NCK2: variants seen among roughly 807,000 people sequenced by gnomAD.
NCK2 encodes the protein cytoplasmic protein NCK2.
In NCK2, 16 loss-of-function variants were observed where a neutral mutation model predicts 33.9. The ratio of observed to expected loss-of-function variants is 0.47; its 90% CI spans 0.32 to 0.72. NCK2 has a LOEUF of 0.72. NCK2 is among the 30% of genes least tolerant of loss of function. The pLI is 0.03. For missense variants in NCK2, 418 were observed against 537.3 expected (o/e 0.78, Z 2.19); for synonymous variants, 273 against 239.9 (o/e 1.14, Z -1.27).
intron 2 of NCK2, among the ~76,000 whole-genome samples, chr2:105,818,298 G>GGGGGGAT (rs1249244123): frequency 9.6e-6 from 1 of 104,086 alleles, no homozygotes; most frequent in Non-Finnish European, 2.0e-5. Flanking sequence ...GGAGGGGGGA[G>GGGGGGAT]GGATAGCATT....
At chr2:105,850,381 GAA>G (rs983449647) in intron 2 of NCK2, among the ~76,000 whole-genome samples, 16 of 152,294 alleles carry the variant, frequency 1.1e-4, no homozygotes, top group African/African-American at 3.9e-4. Context: ...GTTGAGCTGA[GAA>G]AGTTTTTATA....
At chr2:105,877,479 A>G (rs923797955) in intron 3 of NCK2, among the ~76,000 whole-genome samples, 1 of 152,054 alleles carries the variant, frequency 6.6e-6, no homozygotes, top group African/African-American at 2.4e-5. Context: ...GAGACCTATT[A>G]ACTGCTGTTC....
rs1678600676 is a variant in NCK2 at position 105,883,657 on chromosome 2, G to C, written c.948+1608G>C. On this transcript the variant is annotated intron_variant, in intron 4 of 4. Transcript: ENST00000233154. Reference sequence around the variant, plus strand: ...AGGTGGTCATTGCTGTCTGAATTCAGGGACCAAGTCCCTTTGGATAAGGAG... The same window carrying C: ...AGGTGGTCATTGCTGTCTGAATTCACGGACCAAGTCCCTTTGGATAAGGAG... Among the ~76,000 whole-genome samples the C allele has an allele frequency of 2.0e-5, 3 of 152,154 alleles. No individual in the cohort carries two copies. The East Asian group carries it at 5.8e-4, about 29-fold the overall frequency.
intron 1 of NCK2, among the ~76,000 whole-genome samples, chr2:105,795,964 T>G (rs1691070175): frequency 6.6e-6 from 1 of 152,226 alleles, no homozygotes; most frequent in Admixed American, 6.5e-5. Flanking sequence ...GATATATTCT[T>G]TATTACCAGT....
intron 1 of NCK2, among the ~76,000 whole-genome samples, chr2:105,758,557 G>A (rs898066896): frequency 6.6e-6 from 1 of 151,624 alleles, no homozygotes; most frequent in African/African-American, 2.4e-5. Flanking sequence ...CTACAGGTGC[G>A]TACCACCATG....
chr2:105,839,260 C>T (rs947392482), intron 2 of NCK2, among the ~76,000 whole-genome samples: 1 of 152,168 alleles, frequency 6.6e-6, no homozygotes, highest in Non-Finnish European at 1.5e-5. Flanking sequence ...GGGTGGGAAG[C>T]TGCACTGGGG....
At chr2:105,872,213 C>T (rs1678043883) in intron 3 of NCK2, among the ~76,000 whole-genome samples, 1 of 152,230 alleles carries the variant, frequency 6.6e-6, no homozygotes, top group African/African-American at 2.4e-5. Flanking sequence ...GCCCAGATCC[C>T]TCTCTGCAGC....
chr2:105,807,746 CTTCCCTCCCTCCCTCCCTTCT>C (rs1675111727), intron 1 of NCK2, among the ~76,000 whole-genome samples: 1 of 86,882 alleles, frequency 1.2e-5, no homozygotes, highest in Non-Finnish European at 2.4e-5. Context: ...TCCTTCCTTC[CTTCCCTCCCTCCCTCCCTTCT>C]CTCCCTCCCT....
intron 1 of NCK2, among the ~76,000 whole-genome samples, chr2:105,753,945 A>G (rs186728517): frequency 2.0e-5 from 3 of 152,200 alleles, no homozygotes; most frequent in Admixed American, 2.0e-4. Flanking sequence ...CCTGATGGGA[A>G]CTCTGACACT....
At chr2:105,750,402 G>A (rs993293801) in intron 1 of NCK2, among the ~76,000 whole-genome samples, 1 of 152,142 alleles carries the variant, frequency 6.6e-6, no homozygotes, top group Non-Finnish European at 1.5e-5. Context: ...TAGGGGTTAG[G>A]GCTTTACCAT....
intron 4 of NCK2, 80 bp from the exon 5 acceptor site, chr2:105,892,902 G>A (rs1250325123): frequency 8.6e-7 from 1 of 1,163,426 alleles, no homozygotes; most frequent in Non-Finnish European, 1.2e-6. Flanking sequence ...TTTGGATTTA[G>A]ACGCACAAGA....
intron 1 of NCK2, among the ~76,000 whole-genome samples, chr2:105,762,192 A>C (rs1689786124): frequency 6.6e-6 from 1 of 152,188 alleles, no homozygotes; most frequent in Non-Finnish European, 1.5e-5. Flanking sequence ...TCTGTGCGTA[A>C]GAGTGGGCTT....
chr2:105,750,178 T>G (rs986776323), intron 1 of NCK2, among the ~76,000 whole-genome samples: 5 of 152,072 alleles, frequency 3.3e-5, no homozygotes. Flanking sequence ...TTCTGGTGAG[T>G]GTCTCTTCCT....
chr2:105,858,990 T>G (rs573712133), intron 3 of NCK2, among the ~76,000 whole-genome samples: 1 of 152,142 alleles, frequency 6.6e-6, no homozygotes, highest in African/African-American at 2.4e-5. Context: ...CAGAATCCAG[T>G]TGATGTTTTT....
Position 105,869,115 on chromosome 2 carries a change from C to G in NCK2, c.227-12213C>G, listed in dbSNP as rs376324909. Among the ~76,000 whole-genome samples the G allele has an allele frequency of 8.1e-4, 124 of 152,286 alleles. 1 individual carries two copies. The East Asian group carries it at 0.022, about 27-fold the overall frequency. On this transcript the variant is annotated intron_variant, in intron 3 of 4. Coordinates refer to ENST00000233154, the MANE Select transcript of NCK2 (RefSeq NM_003581.5). ...GCTCCTCTCATAGACCCACAGTGCT[C>G]CCCCTAGCCTGTTCATACGTGCCCT...
chr2:105,875,060 C>A (rs1678178304), intron 3 of NCK2, among the ~76,000 whole-genome samples: 1 of 152,154 alleles, frequency 6.6e-6, no homozygotes. Flanking sequence ...TTATGAAATG[C>A]AGATAAAGTC....
chr2:105,883,903 G>A (rs545831502), intron 4 of NCK2, among the ~76,000 whole-genome samples: 2 of 152,174 alleles, frequency 1.3e-5, no homozygotes, highest in Non-Finnish European at 2.9e-5. Context: ...GGAATATAGG[G>A]CGGAAAGAGC....
chr2:105,869,922 T>C (rs1677929261), intron 3 of NCK2, among the ~76,000 whole-genome samples: 1 of 152,238 alleles, frequency 6.6e-6, no homozygotes, highest in African/African-American at 2.4e-5. Flanking sequence ...CATTTTTTTT[T>C]CAGGTTTAAA....
chr2:105,784,235 C>T (rs1363687536), intron 1 of NCK2, among the ~76,000 whole-genome samples: 1 of 152,212 alleles, frequency 6.6e-6, no homozygotes, highest in Non-Finnish European at 1.5e-5. Context: ...TCCCAAAATG[C>T]TGGGACTACA....
Sources: allele counts gnomAD v4.1 joint callset (sites outside exome capture counted in the v4.1 genomes callset), GRCh38; gene constraint gnomAD v4.1.1; transcripts MANE v1.5; gene names NCBI Gene and HGNC (gene_info 2026-07-23, HGNC 2026-07-21).